The following PCDHGB6 variants were observed in gnomAD, a reference collection of about 807,000 sequenced individuals.
PCDHGB6 encodes the protein protocadherin gamma subfamily B, 6, also known as protocadherin gamma-B6.
In PCDHGB6, 51 loss-of-function variants were observed where a neutral mutation model predicts 59.1. That is an observed-to-expected ratio of 0.86 (90% CI 0.69 to 1.09). The LOEUF (loss-of-function observed/expected upper bound fraction) is 1.09, where lower values mean the gene tolerates loss of function less well. Ranked by LOEUF, PCDHGB6 falls within the 50% of genes least tolerant of loss-of-function variation. The probability of loss-of-function intolerance (pLI) is 0.00; values close to 1 mark genes in which losing one functional copy is unlikely to be tolerated. For missense variants in PCDHGB6, 1,148 were observed against 1,205.1 expected (o/e 0.95, Z 0.70); for synonymous variants, 466 against 495.1 (o/e 0.94, Z 0.78).
At position 141,458,567 on chromosome 5, in the gene PCDHGB6, T is replaced by TTTTG. The variant is rs144471304; in HGVS notation, c.2419-36224_2419-36221dup. Among the ~76,000 whole-genome samples the TTTTG allele has an allele frequency of 8.6e-5, 13 of 151,610 alleles. No individual in the cohort carries two copies. The East Asian group carries it at 1.5e-3, about 18-fold the overall frequency. On this transcript the variant is annotated intron_variant, in intron 1 of 3. Coordinates refer to ENST00000520790, the MANE Select transcript of PCDHGB6 (RefSeq NM_018926.3). ...TTGTTTGTTTGTTTTGGTTTTGGGT[T>TTTTG]TTTGTTTGTTTGTTTGTTTTGGAGA...
At chr5:141,421,965 C>A in intron 1 of PCDHGB6, 1 of 1,610,360 alleles carries the variant, frequency 6.2e-7, no homozygotes, top group Non-Finnish European at 8.5e-7. Context: ...TTACACAGTC[C>A]GTATATCGCG....
rs934674909 is a variant in PCDHGB6, at chr5:141,511,083, A to C, written c.2703A>C (p.Thr901=). Residue 901 remains threonine, a synonymous_variant, in exon 4 of 4, where the codon ACA becomes ACC. Transcript: ENST00000520790. The part of the protein sequence containing the change: ...QNVYIPGSNA[T]LTNAAGKRDG... Reference sequence around the variant, plus strand: ...TCTACATCCCAGGCAGCAATGCCACACTGACCAACGCAGCTGGCAAGCGGG... The same window carrying C: ...TCTACATCCCAGGCAGCAATGCCACCCTGACCAACGCAGCTGGCAAGCGGG... 1.2e-6 allele frequency: 2 copies of C among 1,614,108 alleles called. No homozygotes were observed. Among genetic ancestry groups the C allele is most frequent in the African/African-American group, 2.7e-5 (2 of 74,940 alleles).
chr5:141,419,207 CCGGTTTTCGGACAGT>C, intron 1 of PCDHGB6: 5 of 1,613,998 alleles, frequency 3.1e-6, no homozygotes, highest in Non-Finnish European at 4.2e-6. Flanking sequence ...TGACAACGCG[CCGGTTTTCGGACAGT>C]CAGCCTACCT....
intron 1 of PCDHGB6, chr5:141,428,371 C>A: frequency 5.6e-6 from 3 of 536,772 alleles, no homozygotes; most frequent in Non-Finnish European, 1.0e-5. Flanking sequence ...CGCCTTGCAC[C>A]TGCGATGCTC....
chr5:141,429,741 C>T (rs2097240604), intron 1 of PCDHGB6, among the ~76,000 whole-genome samples: 1 of 152,106 alleles, frequency 6.6e-6, no homozygotes, highest in Admixed American at 6.5e-5. Flanking sequence ...CCAGTTATTT[C>T]TTAGGGAGAA....
chr5:141,474,180 A>G (rs763042503), intron 1 of PCDHGB6, among the ~76,000 whole-genome samples: 4 of 152,240 alleles, frequency 2.6e-5, no homozygotes, highest in Non-Finnish European at 4.4e-5. Context: ...TGAGAAAACT[A>G]CTTACATTTT....
chr5:141,501,314 C>G, intron 2 of PCDHGB6, among the ~76,000 whole-genome samples: 1 of 151,728 alleles, frequency 6.6e-6, no homozygotes, highest in Non-Finnish European at 1.5e-5. Flanking sequence ...CACACACACA[C>G]ACACACACAC....
In PCDHGB6 at chr5:141,432,690, T is replaced by A. The variant is rs764124373; in HGVS notation, c.2418+22070T>A. 5.0e-6 allele frequency: 8 copies of A among 1,613,854 alleles called. No individual in the cohort carries two copies. The highest frequency in any genetic ancestry group is 2.7e-5 in the African/African-American group (2 of 74,940). ...GACGCGCTCAAGCAGAGCCTCGTAGTGGCCGTCCAGGACCACGGCCAGCCC... is the reference window on the plus strand; with the variant it reads ...GACGCGCTCAAGCAGAGCCTCGTAGAGGCCGTCCAGGACCACGGCCAGCCC... On this transcript the variant is annotated intron_variant, in intron 1 of 3. Coordinates refer to ENST00000520790, the MANE Select transcript of PCDHGB6 (RefSeq NM_018926.3). This position sits in a 1 kb window ranked among gnomAD's most constrained non-coding sequence, Gnocchi z 6.0.
At chr5:141,421,065 A>C in intron 1 of PCDHGB6, 1 of 591,556 alleles carries the variant, frequency 1.7e-6, no homozygotes. Flanking sequence ...CACAAAGCGG[A>C]ATGAGATGGA....
chr5:141,468,853 G>A (rs893773356), intron 1 of PCDHGB6, among the ~76,000 whole-genome samples: 7 of 151,000 alleles, frequency 4.6e-5, no homozygotes, highest in Admixed American at 6.6e-5. Context: ...GCAACAGAGC[G>A]AGACTCCATC....
At chr5:141,459,499 G>A (rs2098968854) in intron 1 of PCDHGB6, among the ~76,000 whole-genome samples, 1 of 152,172 alleles carries the variant, frequency 6.6e-6, no homozygotes, top group Non-Finnish European at 1.5e-5. Context: ...TTAAAGTGAT[G>A]TGAACAATCA....
At chr5:141,447,947 A>G (rs2098555998) in intron 1 of PCDHGB6, among the ~76,000 whole-genome samples, 1 of 151,958 alleles carries the variant, frequency 6.6e-6, no homozygotes, top group South Asian at 2.1e-4. Flanking sequence ...TTAGCTGGGC[A>G]TGGTGGCGGA....
At position 141,423,488 on chromosome 5, in the gene PCDHGB6, A is replaced by G. The variant is rs141810253; in HGVS notation, c.2418+12868A>G. The G allele has an allele frequency of 9.2e-4, 1,481 of 1,613,946 alleles. 7 individuals carry two copies. The highest frequency in any genetic ancestry group is 3.0e-3 in the Middle Eastern group (18 of 6,062). On this transcript the variant is annotated intron_variant, in intron 1 of 3. Transcript: ENST00000520790. The stretch of plus-strand genomic sequence containing the variant: ...GGGGTACAGGCTTTCCTGCAAACCT[A>G]TTCCCACGAGGTCTCTCTCATTGCG...
chr5:141,502,500 G>C (rs1398797155), intron 2 of PCDHGB6, among the ~76,000 whole-genome samples: 1 of 152,046 alleles, frequency 6.6e-6, no homozygotes, highest in Non-Finnish European at 1.5e-5. Flanking sequence ...ATCTAACGTC[G>C]GCCTGTCCCA....
chr5:141,477,378 C>A lies in PCDHGB6; in HGVS notation c.2419-17429C>A. On this transcript the variant is annotated intron_variant, in intron 1 of 3. Coordinates refer to ENST00000520790, the MANE Select transcript of PCDHGB6 (RefSeq NM_018926.3). This position sits in a 1 kb window ranked among gnomAD's most constrained non-coding sequence, Gnocchi z 4.9. ...GCAGACCTGGATCGGGAGACTGTGC[C>A]AGAATACAACCTCAGCATCACCGCC... 2 of 1,614,136 alleles carry A rather than the reference C, an allele frequency of 1.2e-6. No homozygotes were observed. Among genetic ancestry groups the A allele is most frequent in the Non-Finnish European group, 1.7e-6 (2 of 1,180,034 alleles).
In PCDHGB6 at chr5:141,454,796, A is replaced by ATTTTTT. The variant is rs61612330; in HGVS notation, c.2419-39987_2419-39982dup. Among the ~76,000 whole-genome samples the ATTTTTT allele has an allele frequency of 4.9e-3, 381 of 77,456 alleles. 41 individuals carry two copies. The highest frequency in any genetic ancestry group is 0.011 in the African/African-American group (178 of 16,882). 50.8% of individuals were successfully genotyped at this position (77,456 alleles called of 152,430 possible). ...AAGGAAATAATCCTCCATGGTTCTA[A>ATTTTTT]TTTTTTTTTTTTTTTTTTTTTTTTT... On this transcript the variant is annotated intron_variant, in intron 1 of 3. Coordinates refer to ENST00000520790, the MANE Select transcript of PCDHGB6 (RefSeq NM_018926.3).
intron 1 of PCDHGB6, chr5:141,429,208 G>A (rs568951026): frequency 5.4e-4 from 77 of 142,568 alleles, no homozygotes; most frequent in African/African-American, 1.9e-3. Context: ...ACACACACGT[G>A]TGAAAAGTGG....
At position 141,512,644 on chromosome 5, in the gene PCDHGB6, G is replaced by T. The variant is rs1283774989; in HGVS notation, c.*1471G>T. Reference sequence around the variant, plus strand: ...ACCCCAGACCTGCCCTTACAGTAGTGTAGCGCCCCCTCCCTCTTTCGGCTG... The same window carrying T: ...ACCCCAGACCTGCCCTTACAGTAGTTTAGCGCCCCCTCCCTCTTTCGGCTG... On this transcript the variant is annotated 3_prime_UTR_variant, in exon 4 of 4. Coordinates refer to ENST00000520790, the MANE Select transcript of PCDHGB6 (RefSeq NM_018926.3). 1 of 152,528 alleles carries T rather than the reference G, an allele frequency of 6.6e-6. No individual in the cohort carries two copies. The allele number at this position is 152,528 out of a possible 1,614,324, so 9.4% of individuals were successfully genotyped here.
chr5:141,439,636 G>A (rs114401133), intron 1 of PCDHGB6, among the ~76,000 whole-genome samples: 27 of 152,206 alleles, frequency 1.8e-4, no homozygotes, highest in Non-Finnish European at 2.9e-4. Context: ...CAGACATTCC[G>A]GCTTGGTGGC....
Sources: gnomAD v4.1 joint callset for allele counts (sites outside exome capture counted in the v4.1 genomes callset) on GRCh38, gnomAD v4.1.1 for gene constraint, Gnocchi (gnomAD v3.1) non-coding constraint, MANE v1.5 for transcripts, NCBI Gene and HGNC (gene_info 2026-07-23, HGNC 2026-07-21) for gene names.